The following GPHN variants were observed in gnomAD, a reference collection of about 807,000 sequenced individuals.
GPHN encodes gephyrin.
A neutral mutation model predicts 95.5 loss-of-function variants in GPHN; 17 were observed. The observed-to-expected ratio is 0.18, with a 90% CI of 0.12 to 0.27. The LOEUF is 0.27. Ranked by LOEUF, GPHN falls within the 10% of genes least tolerant of loss-of-function variation. The probability of loss-of-function intolerance (pLI) is 1.00; values close to 1 mark genes in which losing one functional copy is unlikely to be tolerated. For missense variants in GPHN, 660 were observed against 978.1 expected (o/e 0.67, Z 4.34); for synonymous variants, 320 against 322.5 (o/e 0.99, Z 0.08).
the GPHN span, among the ~76,000 whole-genome samples, chr14:67,400,941 G>A: frequency 6.6e-6 from 1 of 151,416 alleles, no homozygotes; most frequent in Non-Finnish European, 1.5e-5. Flanking sequence ...AGTGAGCTAT[G>A]ATCACACCAC....
At chr14:66,653,073 T>G (rs968730340) in intron 1 of GPHN, among the ~76,000 whole-genome samples, 1 of 152,196 alleles carries the variant, frequency 6.6e-6, no homozygotes, top group African/African-American at 2.4e-5. Context: ...ACTTACACCT[T>G]TCTTAGGAAC....
chr14:66,574,330 T>C (rs1239731283), intron 1 of GPHN, among the ~76,000 whole-genome samples: 2 of 152,242 alleles, frequency 1.3e-5, no homozygotes, highest in Admixed American at 1.3e-4. Context: ...ATGTCACAAT[T>C]TACATCTTTT....
chr14:67,106,790 T>C (rs1210763020), intron 13 of GPHN, among the ~76,000 whole-genome samples: 1 of 152,230 alleles, frequency 6.6e-6, no homozygotes, highest in Non-Finnish European at 1.5e-5. Flanking sequence ...CTTAAGATCA[T>C]TATTTTGCAA....
At chr14:66,660,369 G>A (rs1448733527) in intron 1 of GPHN, among the ~76,000 whole-genome samples, 3 of 152,100 alleles carry the variant, frequency 2.0e-5, no homozygotes, top group African/African-American at 7.2e-5. Flanking sequence ...AATTTTGTCT[G>A]TTGTATTTAC....
chr14:67,095,785 G>T (rs897870855), intron 12 of GPHN, among the ~76,000 whole-genome samples: 1 of 151,864 alleles, frequency 6.6e-6, no homozygotes, highest in Admixed American at 6.6e-5. Context: ...GTTGTGGGGT[G>T]GGGGGAGCAG....
chr14:67,150,742 G>A (rs1387633595), intron 18 of GPHN, among the ~76,000 whole-genome samples: 2 of 151,714 alleles, frequency 1.3e-5, no homozygotes, highest in African/African-American at 4.8e-5. Context: ...TATGTTTTGA[G>A]GCAGGGTCTC....
intron 11 of GPHN, among the ~76,000 whole-genome samples, chr14:67,077,744 A>G (rs1248094975): frequency 6.6e-6 from 1 of 152,098 alleles, no homozygotes; most frequent in Admixed American, 6.6e-5. Context: ...CATATGGAAA[A>G]CTGAATTTTA....
chr14:67,468,102 TA>T, the GPHN span, among the ~76,000 whole-genome samples: 1 of 152,116 alleles, frequency 6.6e-6, no homozygotes, highest in South Asian at 2.1e-4. Context: ...GCCTCCCGAG[TA>T]GCTGGGATTA....
the GPHN span, among the ~76,000 whole-genome samples, chr14:67,288,718 T>C: frequency 1.3e-5 from 2 of 152,142 alleles, no homozygotes; most frequent in Non-Finnish European, 2.9e-5. Flanking sequence ...GGTAACCTCA[T>C]TGTATGTGAT....
At chr14:66,954,304 T>C (rs1289143995) in intron 8 of GPHN, among the ~76,000 whole-genome samples, 1 of 152,220 alleles carries the variant, frequency 6.6e-6, no homozygotes. Flanking sequence ...TTTAATTTCT[T>C]TCAGCAATGT....
At chr14:66,831,750 C>A (rs781552780) in intron 4 of GPHN, among the ~76,000 whole-genome samples, 1 of 152,124 alleles carries the variant, frequency 6.6e-6, no homozygotes, top group Admixed American at 6.6e-5. Flanking sequence ...ATTGTTGATT[C>A]TAATAATAAA....
the GPHN span, among the ~76,000 whole-genome samples, chr14:67,304,551 A>G: frequency 6.6e-6 from 1 of 152,236 alleles, no homozygotes; most frequent in Non-Finnish European, 1.5e-5. Flanking sequence ...AAAAGGCCAT[A>G]TATTGGTTCA....
intron 1 of GPHN, among the ~76,000 whole-genome samples, chr14:66,599,949 T>C (rs538757066): frequency 6.6e-6 from 1 of 152,202 alleles, no homozygotes; most frequent in Admixed American, 6.5e-5. Context: ...TTGAATTATG[T>C]CACTTGAATT....
At chr14:67,437,444 C>A in the GPHN span, among the ~76,000 whole-genome samples, 1 of 152,124 alleles carries the variant, frequency 6.6e-6, no homozygotes, top group African/African-American at 2.4e-5. Context: ...TTAGGCAGAC[C>A]AAGTTAGGAG....
chr14:66,778,079 C>T (rs897463861), intron 3 of GPHN, among the ~76,000 whole-genome samples: 21 of 152,174 alleles, frequency 1.4e-4, no homozygotes, highest in African/African-American at 3.9e-4. Context: ...AAAACCCCAT[C>T]GTCTCAGCCC....
chr14:67,519,366 T>A, the GPHN span, among the ~76,000 whole-genome samples: 6 of 152,232 alleles, frequency 3.9e-5, no homozygotes, highest in Non-Finnish European at 5.9e-5. Flanking sequence ...AGGCCAGTTT[T>A]GGGAATCCAG....
intron 1 of GPHN, among the ~76,000 whole-genome samples, chr14:66,669,249 A>G (rs971176010): frequency 6.6e-6 from 1 of 151,670 alleles, no homozygotes; most frequent in African/African-American, 2.4e-5. Flanking sequence ...CTGTAATCCC[A>G]GCTACTCAGG....
the GPHN span, among the ~76,000 whole-genome samples, chr14:67,365,689 C>T: frequency 7.2e-5 from 11 of 152,116 alleles, no homozygotes; most frequent in African/African-American, 2.7e-4. Flanking sequence ...TTTCAGCCAT[C>T]TTACTATAAT....
chr14:67,408,142 C>T, the GPHN span, among the ~76,000 whole-genome samples: 6 of 151,816 alleles, frequency 4.0e-5, no homozygotes, highest in South Asian at 2.1e-4. Flanking sequence ...CAAAATTAAC[C>T]GGGCGTGGTG....
Sources: gnomAD v4.1 joint callset for allele counts (sites outside exome capture counted in the v4.1 genomes callset) on GRCh38, gnomAD v4.1.1 for gene constraint, MANE v1.5 for transcripts, NCBI Gene and HGNC (gene_info 2026-07-23, HGNC 2026-07-21) for gene names.